Variants in GBE1 observed in about 807,000 individuals in gnomAD.
GBE1 encodes the protein 1,4-alpha-glucan-branching enzyme.
GBE1 carries 70 observed loss-of-function variants against 88.8 expected under a neutral mutation model. That is an observed-to-expected ratio of 0.79 (90% CI 0.65 to 0.96). The LOEUF (loss-of-function observed/expected upper bound fraction) is 0.96. Among genes scored for constraint, GBE1 ranks in the 40% least tolerant of loss-of-function variants. The pLI is 0.00. For synonymous variants in GBE1, 284 were observed against 300.1 expected, an observed-to-expected ratio of 0.95 and a Z score of 0.56; for missense variants, 872 against 871.0, an observed-to-expected ratio of 1.00 and a Z score of -0.01.
chr3:81,575,941 C>T (rs1209888602), intron 12 of GBE1, among the ~76,000 whole-genome samples: 3 of 152,130 alleles, frequency 2.0e-5, no homozygotes, highest in Non-Finnish European at 4.4e-5. Flanking sequence ...GGTTCCTCAT[C>T]AGCCCCATCT....
At position 81,670,834 on chromosome 3, in the gene GBE1, G is replaced by C; in HGVS notation, c.429+4C>G. The C allele has an allele frequency of 6.8e-7, 1 of 1,462,128 alleles. No individual in the cohort carries two copies. The highest frequency in any genetic ancestry group is 1.4e-5 in the South Asian group (1 of 73,280). 90.6% of individuals were successfully genotyped at this position (1,462,128 alleles called of 1,614,324 possible). ...TCAAGAAAAAATAGGAGGGAGGAAA[G>C]TACCTTTAATTTGGATCCATGAGGC... On this transcript the variant is annotated splice_donor_region_variant and intron_variant, in intron 3 of 15. Transcript: ENST00000429644.
intron 3 of GBE1, among the ~76,000 whole-genome samples, chr3:81,658,678 G>A (rs1026354528): frequency 7.9e-5 from 12 of 152,036 alleles, no homozygotes; most frequent in Admixed American, 4.6e-4. Flanking sequence ...CTTTTCTACC[G>A]AGGCAAATCT....
In GBE1 at chr3:81,591,044, A is replaced by C. The variant is rs771405370; in HGVS notation, c.1229T>G (p.Ile410Arg). The C allele has an allele frequency of 2.5e-6, 4 of 1,608,464 alleles. No individual in the cohort carries two copies. In the East Asian group the frequency reaches 8.9e-5, roughly 36 times the overall value. The change falls in exon 9 of 16, where the codon ATA (isoleucine) becomes AGA (arginine). Residue 410 changes from isoleucine (I) to arginine (R), a missense_variant. Physicochemically the swap from Ile to Arg is moderately conservative, Grantham distance 97. Coordinates refer to ENST00000429644, the MANE Select transcript of GBE1 (RefSeq NM_000158.4). ...VHTLCPDSITIAEDVSGMPAL... is the reference protein window; with the variant it reads ...VHTLCPDSITRAEDVSGMPAL... Reference sequence around the variant, plus strand: ...ACTTCACTATGGCTTTACCTCAGCTATTGTTATAGAATCGGGACACAGCGT... The same window carrying C: ...ACTTCACTATGGCTTTACCTCAGCTCTTGTTATAGAATCGGGACACAGCGT...
Position 81,761,637 on chromosome 3 carries a change from G to C in GBE1, c.-120C>G. 2 of 1,260,578 alleles carry C rather than the reference G, an allele frequency of 1.6e-6. No individual in the cohort carries two copies. The highest frequency in any genetic ancestry group is 2.1e-6 in the Non-Finnish European group (2 of 933,288). The allele number at this position is 1,260,578 out of a possible 1,614,324, so 78.1% of individuals were successfully genotyped here. A position where few individuals can be genotyped will look rare whatever the true frequency, so the allele number is the denominator to read the frequency against. ...GCCGGAGGGCGCCTAGGCGTGTCGA[G>C]GCAAGCCGAGGCGAGCCGCGGCGGT... On this transcript the variant is annotated 5_prime_UTR_variant, in exon 1 of 16. Coordinates refer to ENST00000429644, the MANE Select transcript of GBE1 (RefSeq NM_000158.4).
At chr3:81,564,890 G>A (rs563867372) in intron 12 of GBE1, among the ~76,000 whole-genome samples, 1 of 152,178 alleles carries the variant, frequency 6.6e-6, no homozygotes, top group African/African-American at 2.4e-5. Flanking sequence ...AAATTATTTG[G>A]TGAGATTTTT....
chr3:81,688,371 T>C (rs1705469925), intron 2 of GBE1, among the ~76,000 whole-genome samples: 1 of 152,216 alleles, frequency 6.6e-6, no homozygotes, highest in South Asian at 2.1e-4. Context: ...TTCTTCTTTG[T>C]ACCCCAACGC....
intron 10 of GBE1, among the ~76,000 whole-genome samples, chr3:81,584,350 C>T (rs1703770403): frequency 6.6e-6 from 1 of 152,046 alleles, no homozygotes; most frequent in Non-Finnish European, 1.5e-5. Context: ...ATTCTGAGTA[C>T]AGTTGTCATC....
intron 1 of GBE1, among the ~76,000 whole-genome samples, chr3:81,747,860 C>T (rs992773841): frequency 2.0e-5 from 3 of 152,190 alleles, no homozygotes; most frequent in Non-Finnish European, 4.4e-5. Context: ...TATAAAACGG[C>T]CCCACCCTTA....
chr3:81,490,523 G>C (rs1346015942), intron 15 of GBE1, 60 bp from the exon 16 acceptor site: 14 of 1,338,396 alleles, frequency 1.0e-5, no homozygotes, highest in Non-Finnish European at 1.4e-5. Flanking sequence ...CTGTCATTAT[G>C]TCAAAGAAAC....
At chr3:81,750,662 T>C (rs1305145799) in intron 1 of GBE1, among the ~76,000 whole-genome samples, 4 of 84,088 alleles carry the variant, frequency 4.8e-5, no homozygotes, top group African/African-American at 1.4e-4. Flanking sequence ...TATATATGTA[T>C]ATATATATAT....
At chr3:81,586,650 T>C (rs1703806365) in intron 9 of GBE1, among the ~76,000 whole-genome samples, 1 of 152,162 alleles carries the variant, frequency 6.6e-6, no homozygotes, top group Non-Finnish European at 1.5e-5. Flanking sequence ...GTTAGTACAT[T>C]AACAGTGAAA....
intron 1 of GBE1, among the ~76,000 whole-genome samples, chr3:81,711,162 G>A: frequency 6.6e-6 from 1 of 152,186 alleles, no homozygotes; most frequent in East Asian, 1.9e-4. Context: ...TCCCTTACCT[G>A]GAAATGTATT....
At chr3:81,587,562 A>AT (rs1452949333) in intron 9 of GBE1, among the ~76,000 whole-genome samples, 1 of 152,144 alleles carries the variant, frequency 6.6e-6, no homozygotes, top group Non-Finnish European at 1.5e-5. Context: ...TCGATTCAAC[A>AT]ATTACACATT....
chr3:81,671,456 G>T (rs1369726188), intron 2 of GBE1, among the ~76,000 whole-genome samples: 1 of 152,052 alleles, frequency 6.6e-6, no homozygotes, highest in Non-Finnish European at 1.5e-5. Flanking sequence ...AGTATAGGAA[G>T]TAAAGAAAAG....
chr3:81,694,348 A>T (rs1705563277), intron 2 of GBE1, among the ~76,000 whole-genome samples: 1 of 152,224 alleles, frequency 6.6e-6, no homozygotes, highest in South Asian at 2.1e-4. Context: ...GTATGTACAA[A>T]TGTAGCCATT....
intron 10 of GBE1, among the ~76,000 whole-genome samples, chr3:81,582,817 CAA>C (rs1703752416): frequency 6.6e-6 from 1 of 151,760 alleles, no homozygotes; most frequent in Non-Finnish European, 1.5e-5. Context: ...ATAAGAGAGT[CAA>C]AAATTTCTTA....
intron 1 of GBE1, among the ~76,000 whole-genome samples, chr3:81,742,465 G>A (rs1053092778): frequency 6.6e-6 from 1 of 152,078 alleles, no homozygotes; most frequent in Middle Eastern, 3.2e-3. Context: ...GGGCATGCAT[G>A]TCTTCCCCTT....
At chr3:81,721,647 T>G (rs1706037696) in intron 1 of GBE1, among the ~76,000 whole-genome samples, 1 of 152,200 alleles carries the variant, frequency 6.6e-6, no homozygotes, top group African/African-American at 2.4e-5. Context: ...TACCAGATTA[T>G]AGGTGCCATA....
chr3:81,499,354 T>C (rs757611122), intron 14 of GBE1, 127 bp from the exon 15 acceptor site: 64 of 692,668 alleles, frequency 9.2e-5, no homozygotes, highest in Non-Finnish European at 1.6e-4. Context: ...TAAGAACTCA[T>C]TTCTTCTTTT....
Sources: allele counts gnomAD v4.1 joint callset (sites outside exome capture counted in the v4.1 genomes callset), GRCh38; gene constraint gnomAD v4.1.1; transcripts MANE v1.5; gene names NCBI Gene and HGNC (gene_info 2026-07-23, HGNC 2026-07-21).